The following FRMPD4 variants were observed in gnomAD, a reference collection of about 807,000 sequenced individuals.
FRMPD4 encodes FERM and PDZ domain containing 4, also known as FERM and PDZ domain-containing protein 4.
A neutral mutation model predicts 94.1 loss-of-function variants in FRMPD4; 22 were observed. The observed-to-expected ratio is 0.23, with a 90% CI of 0.17 to 0.33. The LOEUF is 0.33. FRMPD4 is among the 10% of genes least tolerant of loss of function. The pLI, the probability that FRMPD4 is intolerant of heterozygous loss-of-function variation, is 1.00. For missense variants in FRMPD4, 1,111 were observed against 1,339.9 expected (o/e 0.83, Z 2.67); for synonymous variants, 631 against 548.6 (o/e 1.15, Z -2.10).
intron 1 of FRMPD4, among the ~76,000 whole-genome samples, chrX:11,823,679 A>G (rs1229925259): frequency 8.9e-6 from 1 of 111,871 alleles, no homozygotes; most frequent in Non-Finnish European, 1.9e-5. Flanking sequence ...CAATTCGTAA[A>G]TAAATGAATG....
intron 3 of FRMPD4, among the ~76,000 whole-genome samples, chrX:11,963,217 CCACT>C (rs1235475636): frequency 8.9e-6 from 1 of 112,254 alleles, no homozygotes; most frequent in Non-Finnish European, 1.9e-5. Context: ...AGGGCTGGAG[CCACT>C]CACTCATGTC....
intron 1 of FRMPD4, among the ~76,000 whole-genome samples, chrX:12,256,512 A>C (rs758784132): frequency 8.9e-6 from 1 of 111,995 alleles, no homozygotes; most frequent in Admixed American, 9.5e-5. Flanking sequence ...TAAGCCTTGG[A>C]GCCTCATTGC....
chrX:12,630,395 G>A (rs975329849), intron 4 of FRMPD4, among the ~76,000 whole-genome samples: 3 of 112,183 alleles, frequency 2.7e-5, no homozygotes, highest in Non-Finnish European at 5.6e-5. Flanking sequence ...ATGGGGATGG[G>A]GAGAGGGCAA....
chrX:12,615,031 A>C (rs1018656398), intron 4 of FRMPD4, 150 bp downstream of exon 4: 12 of 342,234 alleles, frequency 3.5e-5, no homozygotes, highest in Non-Finnish European at 6.2e-5. Flanking sequence ...TGCTGCTGAC[A>C]CTGACCTGTA....
chrX:12,077,448 C>G (rs1313237568), intron 3 of FRMPD4, among the ~76,000 whole-genome samples: 1 of 111,859 alleles, frequency 8.9e-6, no homozygotes, highest in Admixed American at 9.5e-5. Flanking sequence ...GGGCTTTGAG[C>G]TGGAAACAGA....
intron 2 of FRMPD4, among the ~76,000 whole-genome samples, chrX:12,595,514 CAT>C (rs1235740887): frequency 8.9e-6 from 1 of 111,776 alleles, no homozygotes; most frequent in Admixed American, 9.5e-5. Context: ...ACTGCTGACA[CAT>C]GTTAATTATT....
chrX:12,342,885 A>G (rs2055638424), intron 1 of FRMPD4, among the ~76,000 whole-genome samples: 1 of 112,245 alleles, frequency 8.9e-6, no homozygotes, highest in African/African-American at 3.2e-5. Flanking sequence ...CAGATTGGGA[A>G]ACCAAGTATA....
At chrX:12,550,105 G>A (rs1348825060) in intron 2 of FRMPD4, among the ~76,000 whole-genome samples, 1 of 110,858 alleles carries the variant, frequency 9.0e-6, no homozygotes, top group East Asian at 2.8e-4. Flanking sequence ...TATGTGACAG[G>A]GTCAATCCTA....
At chrX:11,882,723 G>GA (rs1184363328) in intron 3 of FRMPD4, among the ~76,000 whole-genome samples, 1 of 111,640 alleles carries the variant, frequency 9.0e-6, no homozygotes, top group Non-Finnish European at 1.9e-5. Flanking sequence ...TCCAAAATCT[G>GA]AAAAAATCTG....
chrX:12,397,081 C>G (rs1282498990), intron 1 of FRMPD4, among the ~76,000 whole-genome samples: 1 of 110,444 alleles, frequency 9.1e-6, no homozygotes, highest in Non-Finnish European at 1.9e-5. Flanking sequence ...TTCCTCTGAA[C>G]CCCTTGGTTT....
chrX:12,520,188 A>C (rs2058146462), intron 2 of FRMPD4, among the ~76,000 whole-genome samples: 1 of 111,984 alleles, frequency 8.9e-6, no homozygotes, highest in Admixed American at 9.4e-5. Context: ...TGGTCTTTAC[A>C]TATAGTGGAA....
intron 3 of FRMPD4, among the ~76,000 whole-genome samples, chrX:11,989,585 A>G (rs1358583186): frequency 9.0e-6 from 1 of 111,180 alleles, no homozygotes; most frequent in East Asian, 2.8e-4. Flanking sequence ...CTAAAGTACA[A>G]TGAGGTGACT....
chrX:12,481,920 G>A (rs1355479446), intron 1 of FRMPD4, among the ~76,000 whole-genome samples: 16 of 40,336 alleles, frequency 4.0e-4, no homozygotes, highest in Non-Finnish European at 6.8e-4. Flanking sequence ...TCCAGCCTGG[G>A]TGACAGAGCA....
At chrX:12,008,515 T>C (rs1477159222) in intron 3 of FRMPD4, among the ~76,000 whole-genome samples, 1 of 112,759 alleles carries the variant, frequency 8.9e-6, no homozygotes, top group African/African-American at 3.2e-5. Flanking sequence ...ATATGTGCCT[T>C]TGCAGGCTGC....
chrX:12,225,437 A>T (rs1339258385), intron 1 of FRMPD4, among the ~76,000 whole-genome samples: 3 of 112,192 alleles, frequency 2.7e-5, no homozygotes, highest in African/African-American at 9.7e-5. Context: ...AGGAAGATAG[A>T]TGCCCATCTG....
intron 3 of FRMPD4, among the ~76,000 whole-genome samples, chrX:11,959,014 CAA>C (rs1198312128): frequency 8.9e-6 from 1 of 111,909 alleles, no homozygotes; most frequent in African/African-American, 3.3e-5. Context: ...CTACCAAAAC[CAA>C]AAATCACAGT....
chrX:12,161,475 T>C lies in FRMPD4; in HGVS notation c.41+22463T>C, dbSNP rs140891444. ...CACCCAGCCTGTCCCAAGAACTCGA[T>C]GAGCATTTTATAAACAATAGCTCAG... On this transcript the variant is annotated intron_variant, in intron 1 of 16. Transcript: ENST00000675598. Among the ~76,000 whole-genome samples, 505 of 112,298 alleles carry C rather than the reference T, an allele frequency of 4.5e-3. 4 individuals are homozygous for C. The highest frequency in any genetic ancestry group is 0.016 in the African/African-American group (483 of 30,890).
intron 3 of FRMPD4, among the ~76,000 whole-genome samples, chrX:11,965,549 A>T (rs1193979646): frequency 8.9e-6 from 1 of 112,094 alleles, no homozygotes; most frequent in East Asian, 2.8e-4. Context: ...TTAGTTCTCC[A>T]GGAACATGTT....
At chrX:11,970,677 T>G (rs1033381775) in intron 3 of FRMPD4, among the ~76,000 whole-genome samples, 6 of 112,189 alleles carry the variant, frequency 5.3e-5, no homozygotes, top group African/African-American at 1.9e-4. Flanking sequence ...ATTGCAAATC[T>G]CTGCCCCTTC....
Sources: allele counts gnomAD v4.1 joint callset (sites outside exome capture counted in the v4.1 genomes callset), GRCh38; gene constraint gnomAD v4.1.1; transcripts MANE v1.5; gene names NCBI Gene and HGNC (gene_info 2026-07-23, HGNC 2026-07-21).